The following SASH1 variants were observed in gnomAD, a reference collection of about 807,000 sequenced individuals.
The protein encoded by SASH1 is SAM and SH3 domain containing 1.
A neutral mutation model predicts 125.2 loss-of-function variants in SASH1; 44 were observed. That is an observed-to-expected ratio of 0.35 (90% CI 0.28 to 0.45). SASH1 has a LOEUF of 0.45. SASH1 is among the 20% of genes least tolerant of loss of function. The pLI is 1.00. For missense variants in SASH1, 1,426 were observed against 1,614.5 expected, an observed-to-expected ratio of 0.88 and a Z score of 2.00; for synonymous variants, 639 against 649.1, an observed-to-expected ratio of 0.98 and a Z score of 0.24.
At chr6:148,364,319 T>C (rs949918142) in intron 1 of SASH1, among the ~76,000 whole-genome samples, 1 of 152,190 alleles carries the variant, frequency 6.6e-6, no homozygotes, top group Non-Finnish European at 1.5e-5. Flanking sequence ...AAAGGTCCCC[T>C]GAAGTCTTGA....
chr6:148,453,553 G>T (rs1486671895), intron 4 of SASH1, among the ~76,000 whole-genome samples: 6 of 152,128 alleles, frequency 3.9e-5, no homozygotes, highest in Non-Finnish European at 5.9e-5. Flanking sequence ...ATCCAGCTCT[G>T]TTTATCTGCA....
chr6:148,315,273 T>C (rs1003495363), intron 1 of SASH1, among the ~76,000 whole-genome samples: 18 of 152,204 alleles, frequency 1.2e-4, no homozygotes, highest in Non-Finnish European at 2.4e-4. Context: ...ATGTTTTTAT[T>C]GATCATTTGC....
At chr6:148,446,135 G>A (rs1776771658) in intron 4 of SASH1, among the ~76,000 whole-genome samples, 1 of 89,746 alleles carries the variant, frequency 1.1e-5, no homozygotes, top group Non-Finnish European at 2.3e-5. Flanking sequence ...TTGAGACGGA[G>A]CCTCACTCTG....
chr6:148,381,701 T>G (rs1240993820), intron 1 of SASH1, among the ~76,000 whole-genome samples: 1 of 142,706 alleles, frequency 7.0e-6, no homozygotes, highest in East Asian at 2.2e-4. Context: ...TAATCTTGGC[T>G]CACTGCAGCC....
At chr6:148,474,798 G>A (rs534100813) in intron 7 of SASH1, among the ~76,000 whole-genome samples, 6 of 152,038 alleles carry the variant, frequency 3.9e-5, no homozygotes, top group South Asian at 2.1e-4. Context: ...TCTCAAACCC[G>A]TGGGCTCAAG....
chr6:148,460,133 T>C (rs1288376035), intron 4 of SASH1, among the ~76,000 whole-genome samples: 1 of 152,216 alleles, frequency 6.6e-6, no homozygotes, highest in Non-Finnish European at 1.5e-5. Context: ...ATATGTCTAA[T>C]GCAATTAGCA....
intron 2 of SASH1, among the ~76,000 whole-genome samples, chr6:148,402,439 A>G (rs1784206666): frequency 6.6e-6 from 1 of 151,436 alleles, no homozygotes. Flanking sequence ...CCTCCCAAGT[A>G]GCTAGGATTA....
intron 2 of SASH1, among the ~76,000 whole-genome samples, chr6:148,414,551 T>A (rs73011342): frequency 0.2 from 31,070 of 152,182 alleles, 3,284 homozygotes; most frequent in East Asian, 0.28. Flanking sequence ...AAAAAGTTTA[T>A]CCAACACATA....
chr6:148,289,202 T>C (rs1779561325), intron 1 of SASH1, among the ~76,000 whole-genome samples: 1 of 152,210 alleles, frequency 6.6e-6, no homozygotes, highest in Admixed American at 6.5e-5. Context: ...TTTGTTTTCA[T>C]TCCCAGCCCA....
the SASH1 span, among the ~76,000 whole-genome samples, chr6:148,252,661 T>C: frequency 6.6e-6 from 1 of 152,138 alleles, no homozygotes; most frequent in Non-Finnish European, 1.5e-5. Context: ...GTATTTTTAG[T>C]AGAGGCAGGG....
At position 148,525,307 on chromosome 6, in the gene SASH1, G is replaced by C. The variant is rs766015062; in HGVS notation, c.1226G>C (p.Gly409Ala). Residue 409 changes from glycine to alanine, a missense_variant, in exon 11 of 20, where the codon GGA (glycine) becomes GCA (alanine). Transcript: ENST00000367467. ...SLSHGRTCSF[G>A]GFDLTNRSLH... ...TTTCCACAGAGAACCTGCAGTTTTG[G>C]AGGATTTGACTTGACGAATCGCTCT... The C allele has an allele frequency of 6.2e-7, 1 of 1,614,068 alleles. No homozygotes were observed. Among genetic ancestry groups the C allele is most frequent in the Non-Finnish European group, 8.5e-7 (1 of 1,179,968 alleles).
chr6:148,414,118 T>C (rs796780515), intron 2 of SASH1, among the ~76,000 whole-genome samples: 7 of 152,102 alleles, frequency 4.6e-5, no homozygotes, highest in African/African-American at 1.7e-4. Flanking sequence ...CAGTACGATA[T>C]TTACTAAAAA....
chr6:148,527,189 GA>G, intron 11 of SASH1: 1 of 323,088 alleles, frequency 3.1e-6, no homozygotes, highest in Admixed American at 5.3e-5. Flanking sequence ...AAAAATAGTG[GA>G]AAAAATGTAA....
At chr6:148,325,180 T>C (rs1487418168) in intron 1 of SASH1, among the ~76,000 whole-genome samples, 1 of 152,086 alleles carries the variant, frequency 6.6e-6, no homozygotes, top group Non-Finnish European at 1.5e-5. Context: ...TTACAATCAT[T>C]GCGGAAAGGG....
the SASH1 span, among the ~76,000 whole-genome samples, chr6:148,233,168 C>T: frequency 4.7e-5 from 7 of 150,324 alleles, no homozygotes; most frequent in Admixed American, 1.3e-4. Flanking sequence ...GAGCCGAGAT[C>T]GCGCCATTGC....
intron 1 of SASH1, among the ~76,000 whole-genome samples, chr6:148,300,517 C>G (rs897112345): frequency 7.0e-6 from 1 of 142,954 alleles, no homozygotes; most frequent in Non-Finnish European, 1.5e-5. Flanking sequence ...AGCGAGATGT[C>G]GGCTCACTGC....
intron 2 of SASH1, among the ~76,000 whole-genome samples, chr6:148,418,425 T>G (rs779897843): frequency 6.6e-6 from 1 of 152,194 alleles, no homozygotes; most frequent in Non-Finnish European, 1.5e-5. Flanking sequence ...TCCGTGAACA[T>G]GTTTCTGTCA....
At chr6:148,423,248 TTAA>T (rs1775655612) in intron 2 of SASH1, among the ~76,000 whole-genome samples, 1 of 152,256 alleles carries the variant, frequency 6.6e-6, no homozygotes. Flanking sequence ...CATGTGTTTT[TTAA>T]TGTGTTACAT....
chr6:148,280,659 T>A (rs1779313220), intron 1 of SASH1, among the ~76,000 whole-genome samples: 1 of 151,918 alleles, frequency 6.6e-6, no homozygotes, highest in African/African-American at 2.4e-5. Context: ...AGAAAAAAAA[T>A]TAGCTGAGTG....
Sources: gnomAD v4.1 joint callset for allele counts (sites outside exome capture counted in the v4.1 genomes callset) on GRCh38, gnomAD v4.1.1 for gene constraint, MANE v1.5 for transcripts, NCBI Gene and HGNC (gene_info 2026-07-23, HGNC 2026-07-21) for gene names.